The following TBC1D16 variants were observed in gnomAD, a reference collection of about 807,000 sequenced individuals.
TBC1D16 encodes the protein TBC1 domain family member 16, also known as CTD-2529O21.1.
TBC1D16 carries 58 observed loss-of-function variants against 74.7 expected under a neutral mutation model. That is an observed-to-expected ratio of 0.78 (90% CI 0.63 to 0.97). The LOEUF (loss-of-function observed/expected upper bound fraction) is 0.97, where lower values mean the gene tolerates loss of function less well. Among genes scored for constraint, TBC1D16 ranks in the 50% least tolerant of loss-of-function variants. The pLI, the probability that TBC1D16 is intolerant of heterozygous loss-of-function variation, is 0.00. For missense variants in TBC1D16, 1,014 were observed against 1,079.5 expected (o/e 0.94, Z 0.85); for synonymous variants, 493 against 474.7 (o/e 1.04, Z -0.50).
intron 4 of TBC1D16, 129 bp from the exon 5 acceptor site, chr17:79,951,726 T>C (rs1277196550): frequency 9.5e-6 from 11 of 1,153,372 alleles, no homozygotes; most frequent in African/African-American, 1.5e-5. Context: ...CCCAGTGGAG[T>C]TGGCTGCTAG....
At chr17:79,999,351 C>A (rs2035396348) in intron 3 of TBC1D16, among the ~76,000 whole-genome samples, 1 of 151,970 alleles carries the variant, frequency 6.6e-6, no homozygotes, top group South Asian at 2.1e-4. Flanking sequence ...AAGCTGCAGC[C>A]AAAACCATCT....
chr17:80,003,876 T>A (rs2035581900), intron 3 of TBC1D16, among the ~76,000 whole-genome samples: 2 of 151,508 alleles, frequency 1.3e-5, no homozygotes, highest in Admixed American at 1.3e-4. Flanking sequence ...AGAGCAAGAG[T>A]CTGTCTCTAA....
intron 9 of TBC1D16, among the ~76,000 whole-genome samples, chr17:79,946,235 T>A (rs1169277048): frequency 1.3e-5 from 2 of 152,244 alleles, no homozygotes; most frequent in Non-Finnish European, 2.9e-5. Flanking sequence ...TGGTTTCAGG[T>A]TGAAACTGTT....
rs141710660 is a variant in TBC1D16 at position 79,936,909 on chromosome 17, C to CGCGCGTGT, written c.*3949_*3950insACACGCGC. ...GTGCATGCGTGCGTGTGTGCATGTG[C>CGCGCGTGT]GTGTGTGTGTGTGTGTGTGTGTGTG... On this transcript the variant is annotated 3_prime_UTR_variant, in exon 12 of 12. Coordinates refer to ENST00000310924, the MANE Select transcript of TBC1D16 (RefSeq NM_019020.4). 7.4e-5 allele frequency: 9 copies of CGCGCGTGT among 122,304 alleles called. No homozygotes were observed. The highest frequency in any genetic ancestry group is 2.4e-4 in the African/African-American group (9 of 37,388). The allele number at this position is 122,304 out of a possible 1,614,324, so 7.6% of individuals were successfully genotyped here.
At chr17:80,034,490 C>A (rs994701642) in intron 1 of TBC1D16, among the ~76,000 whole-genome samples, 3 of 152,168 alleles carry the variant, frequency 2.0e-5, no homozygotes, top group African/African-American at 7.2e-5. Flanking sequence ...CCGTGAGCCA[C>A]GGCGCCCAGC....
chr17:79,951,763 A>G (rs1471421415), intron 4 of TBC1D16, among the ~76,000 whole-genome samples, 166 bp from the exon 5 acceptor site: 1 of 152,214 alleles, frequency 6.6e-6, no homozygotes, highest in Non-Finnish European at 1.5e-5. Context: ...TACACCGAAC[A>G]AAAACCACCA....
Position 79,950,363 on chromosome 17 carries a change from T to C in TBC1D16, c.1257+48A>G, listed in dbSNP as rs772384646. On this transcript the variant is annotated intron_variant, in intron 6 of 11. Coordinates refer to ENST00000310924, the MANE Select transcript of TBC1D16 (RefSeq NM_019020.4). This position sits in a 1 kb window ranked among gnomAD's most constrained non-coding sequence, Gnocchi z 4.6. ...CTCCTTCCCTCTCGCTCGTTCCCGG[T>C]TCCCGGCCGGCTCTCCGCGGGGCCA... is the stretch of plus-strand genomic sequence containing the variant. The C allele has an allele frequency of 7.8e-6, 12 of 1,537,708 alleles. No homozygotes were observed. The highest frequency in any genetic ancestry group is 1.0e-5 in the Non-Finnish European group (12 of 1,145,310).
intron 3 of TBC1D16, among the ~76,000 whole-genome samples, chr17:80,003,486 G>A (rs2035566918): frequency 6.6e-6 from 1 of 152,206 alleles, no homozygotes; most frequent in Non-Finnish European, 1.5e-5. Flanking sequence ...TGACCAGCTC[G>A]CCCTGGAGGC....
chr17:79,982,910 C>T (rs2034645092), intron 3 of TBC1D16, among the ~76,000 whole-genome samples: 2 of 152,152 alleles, frequency 1.3e-5, no homozygotes, highest in South Asian at 4.1e-4. Context: ...GTTACTCATT[C>T]CACTTTTTTG....
intron 9 of TBC1D16, among the ~76,000 whole-genome samples, 190 bp downstream of exon 9, chr17:79,947,455 A>G (rs1221985959): frequency 6.6e-6 from 1 of 152,174 alleles, no homozygotes; most frequent in Non-Finnish European, 1.5e-5. Flanking sequence ...AGGGAGTCAG[A>G]GGGCCATCCC....
chr17:79,943,762 G>A lies in TBC1D16; in HGVS notation c.1908+1146C>T, dbSNP rs141000173. 47 of 1,147,068 alleles carry A rather than the reference G, an allele frequency of 4.1e-5. No homozygotes were observed. The African/African-American group carries it at 6.1e-4, about 15-fold the overall frequency. 71.1% of individuals were successfully genotyped at this position (1,147,068 alleles called of 1,614,324 possible). On this transcript the variant is annotated intron_variant, in intron 10 of 11. Coordinates refer to ENST00000310924, the MANE Select transcript of TBC1D16 (RefSeq NM_019020.4). ...TCTCATTACACTTGGGACACAGTAG[G>A]TGTCCATGGGAAAGGGACCCATCTG...
chr17:80,025,013 CA>C (rs1184861769), intron 1 of TBC1D16, among the ~76,000 whole-genome samples: 3 of 20,778 alleles, frequency 1.4e-4, no homozygotes, highest in Middle Eastern at 0.033. Flanking sequence ...CATAGACACA[CA>C]CACACACCAC....
At position 79,938,932 on chromosome 17, in the gene TBC1D16, TAAC is replaced by T. The variant is rs1311877174; in HGVS notation, c.*1924_*1926del. The T allele has an allele frequency of 2.6e-5, 4 of 152,544 alleles. No individual in the cohort carries two copies. The highest frequency in any genetic ancestry group is 6.5e-5 in the Admixed American group (1 of 15,276). 9.4% of individuals were successfully genotyped at this position (152,544 alleles called of 1,614,324 possible). A position where few individuals can be genotyped will look rare whatever the true frequency, so the allele number is the denominator to read the frequency against. On this transcript the variant is annotated 3_prime_UTR_variant, in exon 12 of 12. Transcript: ENST00000310924. ...TGCACCATGAGCATCCCCTGGGACT[TAAC>T]AACCCACTGGCCCTAAACAAACAAG...
In TBC1D16 at chr17:79,947,671, G is replaced by T. The variant is rs781482262; in HGVS notation, c.1702C>A (p.Arg568=). ...AGTTGTTTCTCCATGTCCTCGTCCCGGGGTGAGCTGACGAAGATCGTGTTC... is the reference window on the plus strand; with the variant it reads ...AGTTGTTTCTCCATGTCCTCGTCCCTGGGTGAGCTGACGAAGATCGTGTTC... ...MQNTIFVSSP[R]DEDMEKQLLY... Residue 568 remains arginine, a synonymous_variant, in exon 9 of 12, where the codon CGG becomes AGG. Transcript: ENST00000310924. 1 of 1,614,072 alleles carries T rather than the reference G, an allele frequency of 6.2e-7. No homozygotes were observed. Among genetic ancestry groups the T allele is most frequent in the Non-Finnish European group, 8.5e-7 (1 of 1,180,004 alleles).
chr17:79,948,730 T>G lies in TBC1D16; in HGVS notation c.1541+142A>C, dbSNP rs982424050. On this transcript the variant is annotated intron_variant, in intron 8 of 11. Transcript: ENST00000310924. Reference sequence around the variant, plus strand: ...ACTGACGTAGCTCATGAGTAGCGTATCCTTCACTTCTGGGGCTTTGATGTA... The same window carrying G: ...ACTGACGTAGCTCATGAGTAGCGTAGCCTTCACTTCTGGGGCTTTGATGTA... 19 of 1,149,666 alleles carry G rather than the reference T, an allele frequency of 1.7e-5. No individual in the cohort carries two copies. The African/African-American group carries it at 2.1e-4, about 13-fold the overall frequency. 71.2% of individuals were successfully genotyped at this position (1,149,666 alleles called of 1,614,324 possible).
intron 3 of TBC1D16, among the ~76,000 whole-genome samples, chr17:79,974,851 A>C (rs1042476989): frequency 4.6e-5 from 7 of 152,188 alleles, no homozygotes; most frequent in African/African-American, 1.7e-4. Flanking sequence ...GATGCTGAGG[A>C]GTTTGTGGAA....
At chr17:79,984,068 G>A (rs946375947) in intron 3 of TBC1D16, among the ~76,000 whole-genome samples, 1 of 140,906 alleles carries the variant, frequency 7.1e-6, no homozygotes, top group Non-Finnish European at 1.6e-5. Flanking sequence ...TGGCGGGGTG[G>A]GGGGGCGGGG....
rs1399795330 is a variant in TBC1D16 at position 79,938,192 on chromosome 17, GGCGGGGCTTCTCCATCCCCC to G, written c.*2647_*2666del. ...ATCCAGATTAAGGGAGTTGTGGAGG[GGCGGGGCTTCTCCATCCCCC>G]GCGGAGCAGCGTCTCCTCCGCCAAG... On this transcript the variant is annotated 3_prime_UTR_variant, in exon 12 of 12. Coordinates refer to ENST00000310924, the MANE Select transcript of TBC1D16 (RefSeq NM_019020.4). The G allele has an allele frequency of 6.6e-6, 1 of 152,218 alleles. No homozygotes were observed. The highest frequency in any genetic ancestry group is 2.4e-5 in the African/African-American group (1 of 41,446). The allele number at this position is 152,218 out of a possible 1,614,324, so 9.4% of individuals were successfully genotyped here.
At position 80,009,194 on chromosome 17, in the gene TBC1D16, C is replaced by T. The variant is rs1034130880; in HGVS notation, c.779+966G>A. Among the ~76,000 whole-genome samples the T allele has an allele frequency of 1.3e-5, 2 of 152,264 alleles. No individual in the cohort carries two copies. The highest frequency in any genetic ancestry group is 4.8e-5 in the African/African-American group (2 of 41,480). On this transcript the variant is annotated intron_variant, in intron 3 of 11. Transcript: ENST00000310924. The surrounding 1 kb of genome is among the most constrained non-coding windows in gnomAD (Gnocchi z 5.4). ...ATGCGCCCGGCTCACACCACGAGCT[C>T]AACAGTTAATGACCTGCTCGCTGAC...
Sources: allele counts gnomAD v4.1 joint callset (sites outside exome capture counted in the v4.1 genomes callset), GRCh38; gene constraint gnomAD v4.1.1; non-coding constraint Gnocchi (gnomAD v3.1); transcripts MANE v1.5; gene names NCBI Gene and HGNC (gene_info 2026-07-23, HGNC 2026-07-21).